LIMS4: variants seen among roughly 807,000 people sequenced by gnomAD.
LIMS4 encodes the protein LIM and senescent cell antigen-like-containing domain protein 4.
the LIMS4 span, among the ~76,000 whole-genome samples, chr2:110,396,045 G>A: frequency 1.5e-3 from 211 of 136,416 alleles, 4 homozygotes; most frequent in East Asian, 0.021. Flanking sequence ...GGATGAGGGC[G>A]TAGCTAGAGA....
chr2:110,366,985 A>C, the LIMS4 span, among the ~76,000 whole-genome samples: 1 of 149,590 alleles, frequency 6.7e-6, no homozygotes, highest in African/African-American at 2.5e-5. Flanking sequence ...ACACACACAA[A>C]TACCAAGGAA....
the LIMS4 span, chr2:110,361,850 C>T: frequency 4.5e-6 from 4 of 891,224 alleles, no homozygotes; most frequent in African/African-American, 5.7e-5. Context: ...GGAATGTGTG[C>T]TTGGGGCAGA....
the LIMS4 span, among the ~76,000 whole-genome samples, chr2:110,367,984 A>G: frequency 6.9e-6 from 1 of 145,446 alleles, no homozygotes; most frequent in Non-Finnish European, 1.5e-5. Flanking sequence ...TTTTTCCTCA[A>G]TTTAGAAACT....
the LIMS4 span, among the ~76,000 whole-genome samples, chr2:110,407,533 T>C: frequency 9.8e-6 from 1 of 102,116 alleles, no homozygotes; most frequent in Admixed American, 1.0e-4. Context: ...GCTTCTATGC[T>C]GGGTATTGCT....
chr2:110,396,262 T>C, the LIMS4 span, among the ~76,000 whole-genome samples: 37 of 35,586 alleles, frequency 1.0e-3, 1 homozygote, highest in Admixed American at 2.1e-3. Context: ...GAAGTGCTCG[T>C]GTCCCAAGGG....
the LIMS4 span, chr2:110,361,876 A>G: frequency 7.9e-7 from 1 of 1,257,978 alleles, no homozygotes; most frequent in Admixed American, 1.7e-5. Flanking sequence ...ACGTCATTGG[A>G]CAAATAGGAC....
the LIMS4 span, chr2:110,387,783 C>G: frequency 6.2e-6 from 1 of 160,268 alleles, no homozygotes; most frequent in African/African-American, 2.4e-5. Flanking sequence ...TGTGAGCCAC[C>G]ATGCCCAGCC....
chr2:110,365,792 C>T, the LIMS4 span, among the ~76,000 whole-genome samples: 9 of 139,350 alleles, frequency 6.5e-5, no homozygotes, highest in Admixed American at 6.4e-4. Context: ...ACTAGACTAA[C>T]AGCAGAAGAA....
the LIMS4 span, among the ~76,000 whole-genome samples, chr2:110,366,001 T>C: frequency 1.3e-5 from 2 of 151,250 alleles, no homozygotes; most frequent in Non-Finnish European, 1.5e-5. Flanking sequence ...AACAGACTAA[T>C]AATGAGTTTT....
the LIMS4 span, among the ~76,000 whole-genome samples, chr2:110,392,244 G>A: frequency 6.6e-6 from 1 of 151,144 alleles, no homozygotes; most frequent in South Asian, 2.1e-4. Flanking sequence ...TGTAGGTGGA[G>A]TAAAGAAACT....
the LIMS4 span, chr2:110,361,297 G>C: frequency 6.8e-7 from 1 of 1,469,028 alleles, no homozygotes; most frequent in Admixed American, 1.7e-5. Flanking sequence ...GCCAGCACAG[G>C]CTGTGGGACG....
At chr2:110,373,779 G>C in the LIMS4 span, among the ~76,000 whole-genome samples, 1 of 149,114 alleles carries the variant, frequency 6.7e-6, no homozygotes, top group East Asian at 1.9e-4. Flanking sequence ...CCTGTGGTGG[G>C]TGATGTCTAC....
At chr2:110,359,716 G>GTT in the LIMS4 span, among the ~76,000 whole-genome samples, 2 of 95,380 alleles carry the variant, frequency 2.1e-5, no homozygotes, top group African/African-American at 7.8e-5. Flanking sequence ...TTCTGTAATA[G>GTT]TTAATAAATT....
chr2:110,366,795 T>C, the LIMS4 span, among the ~76,000 whole-genome samples: 5 of 151,704 alleles, frequency 3.3e-5, no homozygotes, highest in East Asian at 7.7e-4. Context: ...GAAAACCCCA[T>C]AGTCTCTGCC....
At chr2:110,424,484 A>C in the LIMS4 span, among the ~76,000 whole-genome samples, 9 of 140,718 alleles carry the variant, frequency 6.4e-5, no homozygotes, top group Admixed American at 5.7e-4. Context: ...CTTGCCGGCC[A>C]ACTGTCAGGT....
At chr2:110,419,656 CAAAAA>C in the LIMS4 span, among the ~76,000 whole-genome samples, 1 of 8,140 alleles carries the variant, frequency 1.2e-4, no homozygotes, top group Non-Finnish European at 1.8e-4. Flanking sequence ...ACAACAACAA[CAAAAA>C]AAAAAAAAAA....
chr2:110,382,786 G>C, the LIMS4 span: 1 of 120,226 alleles, frequency 8.3e-6, no homozygotes, highest in African/African-American at 3.9e-5. Flanking sequence ...TTATATGAAT[G>C]GTCTAGAATA....
chr2:110,373,033 C>CA, the LIMS4 span, among the ~76,000 whole-genome samples: 1 of 124,506 alleles, frequency 8.0e-6, no homozygotes, highest in Non-Finnish European at 1.5e-5. Flanking sequence ...AAAGAAAGAA[C>CA]AAAAGAGCAA....
chr2:110,424,842 T>TGCTCTGTAAAATGCACCAATCAGC, the LIMS4 span, among the ~76,000 whole-genome samples: 7 of 142,780 alleles, frequency 4.9e-5, 2 homozygotes, highest in Admixed American at 4.8e-4. Context: ...CACCAATCAG[T>TGCTCTGTAAAATGCACCAATCAGC]GCTCTGTAAA....
Sources: allele counts gnomAD v4.1 joint callset (sites outside exome capture counted in the v4.1 genomes callset), GRCh38; gene constraint gnomAD v4.1.1; transcripts MANE v1.5; gene names NCBI Gene and HGNC (gene_info 2026-07-23, HGNC 2026-07-21).